SLC18A1: variants seen among roughly 807,000 people sequenced by gnomAD.
The protein encoded by SLC18A1 is chromaffin granule amine transporter.
Under a neutral mutation model 53.7 loss-of-function variants are expected in SLC18A1, and 69 were observed. The ratio of observed to expected loss-of-function variants is 1.28; its 90% CI spans 1.06 to 1.57. The LOEUF (loss-of-function observed/expected upper bound fraction) is 1.57, where lower values mean the gene tolerates loss of function less well. SLC18A1 is among the 40% of genes most tolerant of loss of function. The probability of loss-of-function intolerance (pLI) is 0.00; values close to 1 mark genes in which losing one functional copy is unlikely to be tolerated. For missense variants in SLC18A1, 932 were observed against 668.1 expected (o/e 1.40, Z -4.35); for synonymous variants, 320 against 248.1 (o/e 1.29, Z -2.72).
chr8:20,156,786 A>G (rs114183299), intron 10 of SLC18A1, among the ~76,000 whole-genome samples: 2,040 of 152,320 alleles, frequency 0.013, 45 homozygotes, highest in African/African-American at 0.047. Context: ...AAAAGGACAA[A>G]TGCCCTAGTG....
At chr8:20,146,732 G>A (rs1342962056) in intron 15 of SLC18A1, among the ~76,000 whole-genome samples, 1 of 151,780 alleles carries the variant, frequency 6.6e-6, no homozygotes, top group Non-Finnish European at 1.5e-5. Flanking sequence ...GCCAAGGCAG[G>A]AGAATCTCTT....
rs141840244 is a variant in SLC18A1, at chr8:20,180,919, C to T, written c.46G>A (p.Gly16Arg). ...LDAPQRLLKE[G>R]RASRQLVLVV... The stretch of plus-strand genomic sequence containing the variant: ...AGCACCAGCTGCCGGGACGCTCTCC[C>T]CTCCTTCAGCAACCGCTGGGGAGCA... The change falls in exon 2 of 16, where the codon GGG becomes AGG. Residue 16 changes from glycine (G) to arginine (R), a missense_variant. Coordinates refer to ENST00000276373, the MANE Select transcript of SLC18A1 (RefSeq NM_003053.4). 31 of 1,608,646 alleles carry T rather than the reference C, an allele frequency of 1.9e-5. No homozygotes were observed. Among genetic ancestry groups the T allele is most frequent in the Non-Finnish European group, 2.3e-5 (27 of 1,177,484 alleles).
Position 20,180,911 on chromosome 8 carries a change from C to T in SLC18A1, c.54G>A (p.Ala18=), listed in dbSNP as rs148621980. The stretch of plus-strand genomic sequence containing the variant: ...CCACCACCAGCACCAGCTGCCGGGA[C>T]GCTCTCCCCTCCTTCAGCAACCGCT... ...APQRLLKEGR[A]SRQLVLVVVF... The change falls in exon 2 of 16, where the codon GCG becomes GCA. Residue 18 remains alanine (A), a synonymous_variant. Coordinates refer to ENST00000276373, the MANE Select transcript of SLC18A1 (RefSeq NM_003053.4). 1.7e-4 allele frequency: 281 copies of T among 1,611,522 alleles called. 1 individual carries two copies. The highest frequency in any genetic ancestry group is 9.3e-4 in the African/African-American group (70 of 75,006).
At chr8:20,148,248 T>C (rs1036433639) in intron 12 of SLC18A1, among the ~76,000 whole-genome samples, 178 bp from the exon 13 acceptor site, 1 of 152,240 alleles carries the variant, frequency 6.6e-6, no homozygotes, top group Non-Finnish European at 1.5e-5. Context: ...TTTAAGGATA[T>C]GAAAACTTGA....
In SLC18A1 at chr8:20,150,653, C is replaced by T. The variant is rs2270649; in HGVS notation, c.1094+13G>A. 0.011 allele frequency: 17,803 copies of T among 1,611,754 alleles called. 775 individuals carry two copies. In the East Asian group the frequency reaches 0.13, roughly 12 times the overall value. Reference sequence around the variant, plus strand: ...CATTTCTACTGTTCGTCCCAGATCCCGAGGCTACATACCGACCCATCTTGT... The same window carrying T: ...CATTTCTACTGTTCGTCCCAGATCCTGAGGCTACATACCGACCCATCTTGT... On this transcript the variant is annotated intron_variant, in intron 11 of 15. Coordinates refer to ENST00000276373, the MANE Select transcript of SLC18A1 (RefSeq NM_003053.4).
At chr8:20,158,943 T>C (rs4921693) in intron 10 of SLC18A1, among the ~76,000 whole-genome samples, 6,965 of 152,244 alleles carry the variant, frequency 0.046, 204 homozygotes, top group Middle Eastern at 0.1. Flanking sequence ...CTAGGCTCGA[T>C]GGAACCTTGG....
At chr8:20,146,050 G>A (rs1402037091) in intron 15 of SLC18A1, among the ~76,000 whole-genome samples, 174 bp from the exon 16 acceptor site, 2 of 152,090 alleles carry the variant, frequency 1.3e-5, no homozygotes, top group Non-Finnish European at 2.9e-5. Flanking sequence ...AGAGTAGCTG[G>A]AACTACAGGC....
chr8:20,178,249 T>C (rs1426964294), intron 4 of SLC18A1, among the ~76,000 whole-genome samples, 186 bp downstream of exon 4: 1 of 152,146 alleles, frequency 6.6e-6, no homozygotes, highest in East Asian at 1.9e-4. Flanking sequence ...CAATTCCAAC[T>C]AGACTGAATT....
intron 10 of SLC18A1, among the ~76,000 whole-genome samples, chr8:20,161,182 C>T (rs906925723): frequency 6.6e-6 from 1 of 152,056 alleles, no homozygotes; most frequent in Admixed American, 6.6e-5. Flanking sequence ...GTCCAAAATC[C>T]AGAGTCTTGT....
intron 4 of SLC18A1, among the ~76,000 whole-genome samples, chr8:20,176,316 C>T (rs1813640): frequency 0.49 from 74,908 of 151,932 alleles, 19,167 homozygotes; most frequent in Non-Finnish European, 0.57. Context: ...CTTCACCTTC[C>T]ACCATGAGTG....
chr8:20,174,509 A>G, intron 4 of SLC18A1, 65 bp from the exon 5 acceptor site: 1 of 1,045,312 alleles, frequency 9.6e-7, no homozygotes, highest in East Asian at 2.4e-5. Context: ...CAGCCGCCAG[A>G]GAACATGCCC....
chr8:20,179,219 A>T lies in SLC18A1; in HGVS notation c.390T>A (p.Gly130=), dbSNP rs1254719964. The part of the protein sequence containing the change: ...AHKNNCLQGT[G]FLEEEITRVG... ...CCCGGGTAATCTCTTCCTCCAAGAA[A>T]CCTGTGCCTTGCAAGCAGTTGTTTT... The change falls in exon 3 of 16, where the codon GGT becomes GGA. Residue 130 remains glycine (G), a synonymous_variant. Transcript: ENST00000276373. The T allele has an allele frequency of 1.9e-6, 3 of 1,614,152 alleles. No individual in the cohort carries two copies. Among genetic ancestry groups the T allele is most frequent in the Non-Finnish European group, 2.5e-6 (3 of 1,180,038 alleles).
intron 10 of SLC18A1, among the ~76,000 whole-genome samples, chr8:20,151,156 TTG>T (rs200891983): frequency 0.24 from 34,764 of 142,714 alleles, 4,945 homozygotes; most frequent in Non-Finnish European, 0.34. Context: ...TGTTTTTTTT[TTG>T]TTTGTTTGTT....
intron 10 of SLC18A1, among the ~76,000 whole-genome samples, chr8:20,160,601 G>A (rs1195141385): frequency 1.3e-5 from 2 of 151,750 alleles, no homozygotes; most frequent in Admixed American, 6.6e-5. Flanking sequence ...CCACGCACTG[G>A]GCTAATCCAT....
intron 8 of SLC18A1, among the ~76,000 whole-genome samples, chr8:20,169,599 C>A (rs2072058991): frequency 6.6e-6 from 1 of 152,096 alleles, no homozygotes; most frequent in Non-Finnish European, 1.5e-5. Flanking sequence ...AGAGAATGGG[C>A]TGGGTGCGGT....
intron 10 of SLC18A1, chr8:20,150,965 T>C (rs1196471813): frequency 1.9e-6 from 1 of 532,414 alleles, no homozygotes; most frequent in East Asian, 3.1e-5. Flanking sequence ...CTCAGTACTT[T>C]TCTTTTTGTT....
At chr8:20,153,928 G>A (rs150107234) in intron 10 of SLC18A1, among the ~76,000 whole-genome samples, 1 of 152,178 alleles carries the variant, frequency 6.6e-6, no homozygotes, top group Non-Finnish European at 1.5e-5. Context: ...CAGTGGTAAA[G>A]GTGGGGCTGA....
Position 20,149,700 on chromosome 8 carries a change from C to G in SLC18A1, c.1122G>C (p.Leu374=). Residue 374 remains leucine, a synonymous_variant, in exon 12 of 16, where the codon CTG becomes CTC. Coordinates refer to ENST00000276373, the MANE Select transcript of SLC18A1 (RefSeq NM_003053.4). ...GRWLCSLIGM[L]VVGTSLLCVP... is the part of the protein sequence containing the mutation. ...CACAGAGCAAGCTGGTACCTACTAC[C>G]AGCATCCCGATTAGGGAACACAGCC... is the stretch of plus-strand genomic sequence containing the variant. 6.2e-7 allele frequency: 1 copy of G among 1,613,630 alleles called. No individual in the cohort carries two copies. Among genetic ancestry groups the G allele is most frequent in the Non-Finnish European group, 8.5e-7 (1 of 1,179,920 alleles).
chr8:20,160,931 C>A (rs1036704032), intron 10 of SLC18A1, among the ~76,000 whole-genome samples: 2 of 152,128 alleles, frequency 1.3e-5, no homozygotes, highest in African/African-American at 4.8e-5. Context: ...GACTAACCCA[C>A]TCCTATGATA....
Sources: gnomAD v4.1 joint callset for allele counts (sites outside exome capture counted in the v4.1 genomes callset) on GRCh38, gnomAD v4.1.1 for gene constraint, MANE v1.5 for transcripts, NCBI Gene and HGNC (gene_info 2026-07-23, HGNC 2026-07-21) for gene names.